CELF4: variants seen among roughly 807,000 people sequenced by gnomAD.
CELF4 encodes CUGBP Elav-like family member 4, also known as CUG-BP- and ETR-3-like factor 4.
CELF4 carries 18 observed loss-of-function variants against 59.9 expected under a neutral mutation model. The observed-to-expected ratio is 0.30, with a 90% CI of 0.21 to 0.45. CELF4 has a LOEUF of 0.45. Ranked by LOEUF, CELF4 falls within the 20% of genes least tolerant of loss-of-function variation. The probability of loss-of-function intolerance (pLI) is 1.00; values close to 1 mark genes in which losing one functional copy is unlikely to be tolerated. For synonymous variants in CELF4, 261 were observed against 267.1 expected (o/e 0.98, Z 0.22); for missense variants, 456 against 689.0 (o/e 0.66, Z 3.79).
At chr18:37,421,720 G>A (rs548086158) in intron 2 of CELF4, among the ~76,000 whole-genome samples, 1 of 152,360 alleles carries the variant, frequency 6.6e-6, no homozygotes, top group South Asian at 2.1e-4. Flanking sequence ...GACTGAGTTC[G>A]GTCATTGCTC....
rs115344865 is a variant in CELF4 at position 37,375,695 on chromosome 18, G to C, written c.370-53814C>G. Among the ~76,000 whole-genome samples the C allele has an allele frequency of 2.6e-3, 402 of 152,280 alleles. 2 individuals carry two copies. Among genetic ancestry groups the C allele is most frequent in the African/African-American group, 8.7e-3 (362 of 41,556 alleles). ...TGAGCTAGAGCCCTGGCTCCTACCA[G>C]TATCCTGTACCACTGCCCACCTGGC... On this transcript the variant is annotated intron_variant, in intron 2 of 12. Transcript: ENST00000420428.
chr18:37,298,845 C>T (rs2095834581), intron 3 of CELF4, among the ~76,000 whole-genome samples: 1 of 152,164 alleles, frequency 6.6e-6, no homozygotes, highest in Non-Finnish European at 1.5e-5. Flanking sequence ...GGGGCCCGGT[C>T]CTGACCAGGA....
At chr18:37,304,965 G>T (rs866739300) in intron 3 of CELF4, among the ~76,000 whole-genome samples, 3 of 152,332 alleles carry the variant, frequency 2.0e-5, no homozygotes, top group African/African-American at 4.8e-5. Flanking sequence ...GTTCCCAGGT[G>T]GGGGAGCATG....
intron 2 of CELF4, among the ~76,000 whole-genome samples, chr18:37,409,504 T>C (rs547169951): frequency 6.6e-6 from 1 of 152,338 alleles, no homozygotes; most frequent in East Asian, 1.9e-4. Flanking sequence ...ATCTGTCTGC[T>C]CATCCCTTGT....
chr18:37,462,450 G>A lies in CELF4; in HGVS notation c.369+23075C>T, dbSNP rs545291093. Among the ~76,000 whole-genome samples, 4 of 152,276 alleles carry A rather than the reference G, an allele frequency of 2.6e-5. No individual in the cohort carries two copies. The South Asian group carries it at 6.2e-4, about 24-fold the overall frequency. Reference sequence around the variant, plus strand: ...TCCACAGGCCCTGCAGGCATTGTCCGATTTTTCTCCCAATCCTTCCCTGGT... The same window carrying A: ...TCCACAGGCCCTGCAGGCATTGTCCAATTTTTCTCCCAATCCTTCCCTGGT... On this transcript the variant is annotated intron_variant, in intron 2 of 12. Coordinates refer to ENST00000420428, the MANE Select transcript of CELF4 (RefSeq NM_020180.4).
At chr18:37,372,806 G>A (rs1197306594) in intron 2 of CELF4, among the ~76,000 whole-genome samples, 1 of 151,386 alleles carries the variant, frequency 6.6e-6, no homozygotes, top group African/African-American at 2.4e-5. Context: ...TATTTTTAAT[G>A]AAATAAAATA....
intron 2 of CELF4, among the ~76,000 whole-genome samples, chr18:37,327,813 G>A (rs1440651382): frequency 6.6e-6 from 1 of 152,160 alleles, no homozygotes; most frequent in African/African-American, 2.4e-5. Context: ...GCCCCAGCAG[G>A]GCCCCCTCAC....
intron 1 of CELF4, among the ~76,000 whole-genome samples, chr18:37,545,912 C>G (rs1031504709): frequency 1.3e-5 from 2 of 152,182 alleles, no homozygotes; most frequent in Non-Finnish European, 2.9e-5. Context: ...AGCCATGCAT[C>G]CAAGAAAGTG....
chr18:37,397,010 G>T (rs1248391392), intron 2 of CELF4, among the ~76,000 whole-genome samples: 1 of 152,200 alleles, frequency 6.6e-6, no homozygotes, highest in Non-Finnish European at 1.5e-5. Context: ...AGCTATTGGT[G>T]TGCCTGCCTG....
In CELF4 at chr18:37,478,632, A is replaced by C. The variant is rs2099857330; in HGVS notation, c.369+6893T>G. 2.0e-5 allele frequency among the ~76,000 whole-genome samples: 3 copies of C among 152,300 alleles called. No individual in the cohort carries two copies. In the South Asian group the frequency reaches 6.2e-4, roughly 32 times the overall value. Reference sequence around the variant, plus strand: ...CCCCAGGGAGAAGGAGGACTTTGAGATGTCTCTGTGGGGAGGAGATTGAAA... The same window carrying C: ...CCCCAGGGAGAAGGAGGACTTTGAGCTGTCTCTGTGGGGAGGAGATTGAAA... On this transcript the variant is annotated intron_variant, in intron 2 of 12. Coordinates refer to ENST00000420428, the MANE Select transcript of CELF4 (RefSeq NM_020180.4).
At position 37,264,686 on chromosome 18, in the gene CELF4, G is replaced by T; in HGVS notation, c.1237C>A (p.Gln413Lys). ...FPQPPPMIPQ[Q>K]QREGPEGCNL... is the part of the protein sequence containing the mutation. The stretch of plus-strand genomic sequence containing the variant: ...CCTGCAGACTCACCTTCTCTCTGCT[G>T]CTGGGGGATCATTGGAGGCGGCTGA... The change falls in exon 10 of 13, where the codon CAG becomes AAG. Residue 413 changes from glutamine (Q) to lysine (K), a missense_variant. Around this residue, in one of 7 missense-constraint regions of CELF4, gnomAD observed 256 missense variants for 340.8 expected, o/e 0.75. Transcript: ENST00000420428. 1 of 1,576,514 alleles carries T rather than the reference G, an allele frequency of 6.3e-7. No homozygotes were observed. Among genetic ancestry groups the T allele is most frequent in the African/African-American group, 1.3e-5 (1 of 74,296 alleles).
rs145187666 is a variant in CELF4 at position 37,511,404 on chromosome 18, C to T, written c.287-25797G>A. 1.8e-3 allele frequency among the ~76,000 whole-genome samples: 281 copies of T among 152,206 alleles called. 1 individual carries two copies. The highest frequency in any genetic ancestry group is 6.2e-3 in the African/African-American group (256 of 41,554). On this transcript the variant is annotated intron_variant, in intron 1 of 12. Transcript: ENST00000420428. ...AGGCTCTAGCCCATCAAGGTCAGCC[C>T]CAAAGTCCTTGGCATTCCCCAGGCT...
At chr18:37,371,385 T>C (rs1311825334) in intron 2 of CELF4, among the ~76,000 whole-genome samples, 1 of 152,238 alleles carries the variant, frequency 6.6e-6, no homozygotes, top group Non-Finnish European at 1.5e-5. Flanking sequence ...GACCAATAAC[T>C]GGCCAGAAGC....
intron 2 of CELF4, among the ~76,000 whole-genome samples, chr18:37,467,235 A>G (rs1320777832): frequency 6.6e-6 from 1 of 152,160 alleles, no homozygotes; most frequent in African/African-American, 2.4e-5. Flanking sequence ...TAGGTTAAAT[A>G]GAGTACTTCT....
chr18:37,495,174 TTC>T (rs1420612991), intron 1 of CELF4, among the ~76,000 whole-genome samples: 3 of 152,180 alleles, frequency 2.0e-5, no homozygotes, highest in African/African-American at 7.2e-5. Context: ...CCTGTTTGAA[TTC>T]TCTTAGACCA....
intron 2 of CELF4, among the ~76,000 whole-genome samples, chr18:37,408,747 C>G (rs11877226): frequency 0.26 from 39,747 of 152,040 alleles, 5,570 homozygotes; most frequent in Non-Finnish European, 0.31. Flanking sequence ...GGACACCCGG[C>G]GCACCCTCCC....
intron 3 of CELF4, among the ~76,000 whole-genome samples, chr18:37,281,218 G>A (rs528950341): frequency 6.6e-6 from 1 of 152,244 alleles, no homozygotes; most frequent in Non-Finnish European, 1.5e-5. Context: ...CTTGCTGGCC[G>A]GGCAGGGTGA....
At chr18:37,279,787 C>A (rs1297869529) in intron 3 of CELF4, among the ~76,000 whole-genome samples, 1 of 152,184 alleles carries the variant, frequency 6.6e-6, no homozygotes, top group Non-Finnish European at 1.5e-5. Flanking sequence ...CTGGGCAGGA[C>A]CCCGGATAAC....
chr18:37,314,225 T>A lies in CELF4; in HGVS notation c.448+7578A>T, dbSNP rs201372969. ...ACTTTGGGAATCTGAGGCAGGTGGA[T>A]CATTTGAGGTTAGGAGTTCAAGACC... On this transcript the variant is annotated intron_variant, in intron 3 of 12. Transcript: ENST00000420428. 6.6e-5 allele frequency among the ~76,000 whole-genome samples: 10 copies of A among 152,236 alleles called. No homozygotes were observed. In the East Asian group the frequency reaches 1.7e-3, roughly 27 times the overall value.
Sources: allele counts gnomAD v4.1 joint callset (sites outside exome capture counted in the v4.1 genomes callset), GRCh38; gene constraint gnomAD v4.1.1; regional missense constraint gnomAD v4.1.1; transcripts MANE v1.5; gene names NCBI Gene and HGNC (gene_info 2026-07-23, HGNC 2026-07-21).